MAPKAP1: variants seen among roughly 807,000 people sequenced by gnomAD.
MAPKAP1 encodes the protein MAPK associated protein 1.
MAPKAP1 carries 20 observed loss-of-function variants against 65.7 expected under a neutral mutation model. That is an observed-to-expected ratio of 0.30 (90% confidence interval 0.21 to 0.44). The LOEUF (loss-of-function observed/expected upper bound fraction) is 0.44, where lower values mean the gene tolerates loss of function less well. Ranked by LOEUF, MAPKAP1 falls within the 20% of genes least tolerant of loss-of-function variation. The pLI, the probability that MAPKAP1 is intolerant of heterozygous loss-of-function variation, is 1.00. For synonymous variants in MAPKAP1, 222 were observed against 244.3 expected (o/e 0.91, Z 0.85); for missense variants, 423 against 648.0 (o/e 0.65, Z 3.77).
intron 5 of MAPKAP1, among the ~76,000 whole-genome samples, chr9:125,576,237 A>C (rs1831391629): frequency 6.6e-6 from 1 of 152,222 alleles, no homozygotes; most frequent in South Asian, 2.1e-4. Context: ...TCTGTATGAT[A>C]CAACCATTAG....
chr9:125,487,804 G>C (rs1245547240), intron 8 of MAPKAP1, among the ~76,000 whole-genome samples: 1 of 152,144 alleles, frequency 6.6e-6, no homozygotes, highest in African/African-American at 2.4e-5. Flanking sequence ...GCATAAATAT[G>C]GCTGGAAATT....
chr9:125,616,819 G>T (rs1832760096), intron 4 of MAPKAP1, among the ~76,000 whole-genome samples: 1 of 152,152 alleles, frequency 6.6e-6, no homozygotes, highest in Admixed American at 6.5e-5. Context: ...CCATCTGCAT[G>T]TATTCCCTAA....
chr9:125,623,719 C>G (rs1245063774), intron 4 of MAPKAP1, among the ~76,000 whole-genome samples: 4 of 25,712 alleles, frequency 1.6e-4, no homozygotes, highest in African/African-American at 2.0e-4. Flanking sequence ...GGGGGGTCAG[C>G]CCCCCGCCCG....
chr9:125,456,705 G>A (rs1345162061), intron 10 of MAPKAP1, among the ~76,000 whole-genome samples: 1 of 152,164 alleles, frequency 6.6e-6, no homozygotes, highest in Non-Finnish European at 1.5e-5. Context: ...TGTTCCCAAG[G>A]AAGTAAACTC....
chr9:125,489,235 T>C (rs139204599), intron 8 of MAPKAP1, among the ~76,000 whole-genome samples: 2 of 152,342 alleles, frequency 1.3e-5, no homozygotes, highest in African/African-American at 4.8e-5. Flanking sequence ...CATTGGTATT[T>C]TGTTAAATTA....
chr9:125,633,689 T>G (rs1021889957), intron 4 of MAPKAP1, among the ~76,000 whole-genome samples: 6 of 152,212 alleles, frequency 3.9e-5, no homozygotes, highest in African/African-American at 1.4e-4. Flanking sequence ...GTATTTCATC[T>G]AATTCATATA....
At chr9:125,517,393 TG>T (rs918343987) in intron 7 of MAPKAP1, among the ~76,000 whole-genome samples, 2 of 151,672 alleles carry the variant, frequency 1.3e-5, no homozygotes, top group Admixed American at 6.6e-5. Flanking sequence ...AGGGTTGGGG[TG>T]GGGGTTCTTT....
chr9:125,577,077 CG>C (rs1831432121), intron 5 of MAPKAP1, among the ~76,000 whole-genome samples: 1 of 150,184 alleles, frequency 6.7e-6, no homozygotes, highest in South Asian at 2.1e-4. Context: ...AAGTGAGGAG[CG>C]CCTCTTCCCG....
At chr9:125,506,010 C>A in intron 8 of MAPKAP1, 1 of 404,612 alleles carries the variant, frequency 2.5e-6, no homozygotes, top group Non-Finnish European at 4.6e-6. Flanking sequence ...ATAGCCTTTA[C>A]TTCAGAAAAG....
At chr9:125,671,688 C>T (rs1588058846) in intron 2 of MAPKAP1, among the ~76,000 whole-genome samples, 1 of 152,050 alleles carries the variant, frequency 6.6e-6, no homozygotes, top group East Asian at 1.9e-4. Flanking sequence ...AAGCTAATGA[C>T]TAAATACGTG....
chr9:125,565,806 A>G (rs904075697), intron 5 of MAPKAP1: 3 of 384,244 alleles, frequency 7.8e-6, no homozygotes, highest in Non-Finnish European at 1.5e-5. Context: ...GTAAGGAATA[A>G]AATAATACAC....
intron 6 of MAPKAP1, among the ~76,000 whole-genome samples, chr9:125,547,406 A>G (rs1830458848): frequency 6.6e-6 from 1 of 152,210 alleles, no homozygotes; most frequent in Admixed American, 6.5e-5. Flanking sequence ...TTCCGTGGCT[A>G]ACGGAGATGT....
At chr9:125,565,859 A>C (rs1456181109) in intron 5 of MAPKAP1, 1 of 249,680 alleles carries the variant, frequency 4.0e-6, no homozygotes, top group African/African-American at 2.3e-5. Flanking sequence ...TAGGCCCTCC[A>C]GTGTGTATCT....
intron 6 of MAPKAP1, among the ~76,000 whole-genome samples, chr9:125,555,445 G>A (rs1289648028): frequency 6.6e-6 from 1 of 152,180 alleles, no homozygotes; most frequent in African/African-American, 2.4e-5. Flanking sequence ...CAAAGTCTGT[G>A]CTGCCGCACT....
At chr9:125,562,307 T>C (rs1265700924) in intron 5 of MAPKAP1, among the ~76,000 whole-genome samples, 3 of 152,230 alleles carry the variant, frequency 2.0e-5, no homozygotes, top group African/African-American at 7.2e-5. Flanking sequence ...TTCTTAAATA[T>C]GAAGTGTGAA....
In MAPKAP1 at chr9:125,438,925, A is replaced by G. The variant is rs766404403; in HGVS notation, c.1531T>C (p.Phe511Leu). 6 of 1,614,230 alleles carry G rather than the reference A, an allele frequency of 3.7e-6. No homozygotes were observed. Among genetic ancestry groups the G allele is most frequent in the Non-Finnish European group, 5.1e-6 (6 of 1,180,034 alleles). Residue 511 changes from phenylalanine to leucine, a missense_variant, in exon 12 of 12, where the codon TTC becomes CTC. Around this residue, in one of 6 missense-constraint regions of MAPKAP1, gnomAD observed 185 missense variants for 268.1 expected, o/e 0.69. Transcript: ENST00000265960. The part of the protein sequence containing the change: ...KQRKLNRRTS[F>L]SFQKEKKSGQ... ...GATTTCTTCTCCTTCTGGAAGCTGA[A>G]GCTCGTACGTCTGTTCAGTTTTCTT...
intron 10 of MAPKAP1, among the ~76,000 whole-genome samples, chr9:125,445,551 A>C (rs766887421): frequency 2.0e-5 from 3 of 152,252 alleles, no homozygotes; most frequent in Non-Finnish European, 2.9e-5. Flanking sequence ...TGGCCCTCCA[A>C]AGGAACCTGC....
At chr9:125,502,380 C>T (rs1425080473) in intron 8 of MAPKAP1, among the ~76,000 whole-genome samples, 2 of 152,086 alleles carry the variant, frequency 1.3e-5, no homozygotes, top group East Asian at 1.9e-4. Flanking sequence ...GGATTACAGG[C>T]GTGAGCCACC....
intron 5 of MAPKAP1, among the ~76,000 whole-genome samples, chr9:125,572,335 C>T (rs1831260098): frequency 6.6e-6 from 1 of 152,134 alleles, no homozygotes; most frequent in Admixed American, 6.5e-5. Context: ...AACTAAGATT[C>T]CTTCTATGGA....
Sources: gnomAD v4.1 joint callset for allele counts (sites outside exome capture counted in the v4.1 genomes callset) on GRCh38, gnomAD v4.1.1 for gene constraint, gnomAD v4.1.1 regional missense constraint, MANE v1.5 for transcripts, NCBI Gene and HGNC (gene_info 2026-07-23, HGNC 2026-07-21) for gene names.